DNM3: variants seen among roughly 807,000 people sequenced by gnomAD.
DNM3 encodes dynamin-3.
Under a neutral mutation model 101.6 loss-of-function variants are expected in DNM3, and 47 were observed. The observed-to-expected ratio is 0.46, with a 90% CI of 0.37 to 0.59. The LOEUF is 0.59. Ranked by LOEUF, DNM3 falls within the 20% of genes least tolerant of loss-of-function variation. DNM3 has a pLI of 0.00. For synonymous variants in DNM3, 385 were observed against 387.9 expected (o/e 0.99, Z 0.09); for missense variants, 849 against 1,085.7 (o/e 0.78, Z 3.06).
intron 13 of DNM3, chr1:172,093,545 T>TA (rs1344811618): frequency 5.1e-6 from 3 of 590,022 alleles, no homozygotes; most frequent in Non-Finnish European, 8.6e-6. Flanking sequence ...TTATAGTTTT[T>TA]AAAAAACTTT....
At chr1:172,398,952 C>A (rs1354918321) in intron 20 of DNM3, among the ~76,000 whole-genome samples, 1 of 152,182 alleles carries the variant, frequency 6.6e-6, no homozygotes, top group African/African-American at 2.4e-5. Context: ...AAATTTCCTT[C>A]ATGTTAAGTA....
intron 14 of DNM3, among the ~76,000 whole-genome samples, chr1:172,208,580 G>T (rs2060403408): frequency 6.6e-6 from 1 of 151,990 alleles, no homozygotes; most frequent in Admixed American, 6.6e-5. Flanking sequence ...TCATCCTTTT[G>T]TGCAGATTTT....
At chr1:171,999,135 G>A (rs1010264131) in intron 4 of DNM3, among the ~76,000 whole-genome samples, 5 of 152,098 alleles carry the variant, frequency 3.3e-5, no homozygotes, top group African/African-American at 4.8e-5. Context: ...CTGAAGACGG[G>A]CATGAATGTA....
At chr1:172,124,839 A>C (rs1318387895) in intron 13 of DNM3, among the ~76,000 whole-genome samples, 2 of 152,180 alleles carry the variant, frequency 1.3e-5, no homozygotes, top group East Asian at 1.9e-4. Flanking sequence ...TAAAATTAGG[A>C]AATCTAGTTC....
rs1557885896 is a variant in DNM3, at chr1:172,253,523, T to G, written c.1660-50T>G. ...TCCTCTCCTCTCCTCTCCTCTCCTCTCCTCTCCTCTCCTCTCCTCTCCCTC... is the reference window on the plus strand; with the variant it reads ...TCCTCTCCTCTCCTCTCCTCTCCTCGCCTCTCCTCTCCTCTCCTCTCCCTC... On this transcript the variant is annotated intron_variant, in intron 14 of 20. Coordinates refer to ENST00000627582, the MANE Select transcript of DNM3 (RefSeq NM_015569.5). The G allele has an allele frequency of 6.5e-6, 8 of 1,227,380 alleles. No individual in the cohort carries two copies. In the East Asian group the frequency reaches 2.1e-4, roughly 32 times the overall value. The allele number at this position is 1,227,380 out of a possible 1,614,324, so 76.0% of individuals were successfully genotyped here.
chr1:171,894,299 A>G (rs1319479332), intron 1 of DNM3, among the ~76,000 whole-genome samples: 5 of 152,222 alleles, frequency 3.3e-5, no homozygotes, highest in African/African-American at 1.2e-4. Flanking sequence ...GTCCTTGAGC[A>G]GGGAAAGTTG....
chr1:172,072,597 A>G (rs1421039711), intron 11 of DNM3, among the ~76,000 whole-genome samples: 1 of 152,126 alleles, frequency 6.6e-6, no homozygotes, highest in Non-Finnish European at 1.5e-5. Context: ...TGGAAAGTTA[A>G]CTGTTCTTGG....
In DNM3 at chr1:172,411,880, T is replaced by C. The variant is rs1296124852; in HGVS notation, c.*4039T>C. On this transcript the variant is annotated 3_prime_UTR_variant, in exon 21 of 21. Transcript: ENST00000627582. ...CTAGATGATTTTGAAGAAATGATTA[T>C]TCGTTCACCAGATCACTCATTGTAC... is the stretch of plus-strand genomic sequence containing the variant. The C allele has an allele frequency of 1.2e-5, 12 of 985,698 alleles. No individual in the cohort carries two copies. The highest frequency in any genetic ancestry group is 5.2e-5 in the African/African-American group (3 of 57,252). The allele number at this position is 985,698 out of a possible 1,614,324, so 61.1% of individuals were successfully genotyped here.
chr1:172,182,409 T>C (rs1400188265), intron 14 of DNM3, among the ~76,000 whole-genome samples: 2 of 152,096 alleles, frequency 1.3e-5, no homozygotes, highest in Non-Finnish European at 2.9e-5. Context: ...CTAACCATCA[T>C]TACATACCTT....
intron 4 of DNM3, among the ~76,000 whole-genome samples, chr1:171,994,428 A>G (rs2045854695): frequency 6.6e-6 from 1 of 152,118 alleles, no homozygotes; most frequent in Admixed American, 6.6e-5. Flanking sequence ...ATCGCTAAAC[A>G]TTTACCAAAG....
intron 17 of DNM3, among the ~76,000 whole-genome samples, chr1:172,324,848 T>A (rs953310298): frequency 6.6e-6 from 1 of 151,288 alleles, no homozygotes; most frequent in Non-Finnish European, 1.5e-5. Flanking sequence ...AAACAAAACT[T>A]TAAAAAGTAC....
intron 1 of DNM3, among the ~76,000 whole-genome samples, chr1:171,873,013 C>T (rs1270524806): frequency 6.6e-6 from 1 of 152,026 alleles, no homozygotes; most frequent in Admixed American, 6.6e-5. Context: ...GGGTCTGAGT[C>T]TTGTGTTTGA....
At chr1:171,993,232 CT>C (rs908965695) in intron 4 of DNM3, among the ~76,000 whole-genome samples, 10 of 151,610 alleles carry the variant, frequency 6.6e-5, no homozygotes, top group Admixed American at 5.3e-4. Flanking sequence ...GTCCAGTGTC[CT>C]TTTTTTTCTG....
chr1:171,917,236 A>G (rs2039784975), intron 1 of DNM3, among the ~76,000 whole-genome samples: 1 of 152,222 alleles, frequency 6.6e-6, no homozygotes. Context: ...AATCATTTAC[A>G]TCTATATTGA....
intron 4 of DNM3, among the ~76,000 whole-genome samples, chr1:172,000,594 A>G (rs557100410): frequency 6.6e-6 from 1 of 152,256 alleles, no homozygotes; most frequent in South Asian, 2.1e-4. Context: ...AGTAGTAAAC[A>G]GAAAGAAAAC....
At chr1:172,323,229 T>G in intron 16 of DNM3, 100 bp from the exon 17 acceptor site, 1 of 1,269,202 alleles carries the variant, frequency 7.9e-7, no homozygotes, top group Non-Finnish European at 1.1e-6. Flanking sequence ...TTTTATTTTT[T>G]TTAATATCCA....
chr1:171,991,453 T>C (rs982357407), intron 4 of DNM3, among the ~76,000 whole-genome samples: 1 of 152,106 alleles, frequency 6.6e-6, no homozygotes, highest in Non-Finnish European at 1.5e-5. Flanking sequence ...TTCTTTGTTA[T>C]AAAGAATATT....
intron 18 of DNM3, among the ~76,000 whole-genome samples, chr1:172,386,373 A>G (rs1355264753): frequency 1.3e-5 from 2 of 151,948 alleles, no homozygotes; most frequent in African/African-American, 4.8e-5. Flanking sequence ...TGTGCACCAT[A>G]TTCATCCTCT....
At chr1:172,055,868 T>C (rs1244913453) in intron 10 of DNM3, among the ~76,000 whole-genome samples, 1 of 152,188 alleles carries the variant, frequency 6.6e-6, no homozygotes, top group Non-Finnish European at 1.5e-5. Flanking sequence ...ACAGCTTCGG[T>C]CTACAGCTCC....
Sources: gnomAD v4.1 joint callset for allele counts (sites outside exome capture counted in the v4.1 genomes callset) on GRCh38, gnomAD v4.1.1 for gene constraint, MANE v1.5 for transcripts, NCBI Gene and HGNC (gene_info 2026-07-23, HGNC 2026-07-21) for gene names.